TRAPPC12: variants seen among roughly 807,000 people sequenced by gnomAD.
TRAPPC12 encodes trafficking protein particle complex subunit 12, also known as TPR repeat protein 15.
Under a neutral mutation model 69.2 loss-of-function variants are expected in TRAPPC12, and 61 were observed. That is an observed-to-expected ratio of 0.88 (90% CI 0.72 to 1.09). The LOEUF (loss-of-function observed/expected upper bound fraction) is 1.09, where lower values mean the gene tolerates loss of function less well. Among genes scored for constraint, TRAPPC12 ranks in the 50% least tolerant of loss-of-function variants. TRAPPC12 has a pLI of 0.00. For missense variants in TRAPPC12, 1,101 were observed against 1,016.4 expected (o/e 1.08, Z -1.13); for synonymous variants, 469 against 438.9 (o/e 1.07, Z -0.86).
At position 3,379,750 on chromosome 2, in the gene TRAPPC12, C is replaced by G. The variant is rs1021359170; in HGVS notation, c.-131C>G. On this transcript the variant is annotated 5_prime_UTR_variant, in exon 1 of 12. Coordinates refer to ENST00000324266, the MANE Select transcript of TRAPPC12 (RefSeq NM_016030.6). ...ACTAGGCGCGCCGCGGCCCGGCACG[C>G]GCAGGCGTACAGAGCTCCCCGGGGG... 6 of 151,864 alleles carry G rather than the reference C, an allele frequency of 4.0e-5. No individual in the cohort carries two copies. The highest frequency in any genetic ancestry group is 1.5e-4 in the African/African-American group (6 of 41,306). 9.4% of individuals were successfully genotyped at this position (151,864 alleles called of 1,614,324 possible). A position where few individuals can be genotyped will look rare whatever the true frequency, so the allele number is the denominator to read the frequency against.
chr2:3,390,950 G>C (rs1269903527), intron 2 of TRAPPC12, among the ~76,000 whole-genome samples: 2 of 152,082 alleles, frequency 1.3e-5, no homozygotes, highest in Non-Finnish European at 2.9e-5. Flanking sequence ...TAAATAAATT[G>C]TAAAATCTAT....
intron 5 of TRAPPC12, among the ~76,000 whole-genome samples, chr2:3,431,273 CA>C: frequency 6.6e-6 from 1 of 152,208 alleles, no homozygotes; most frequent in East Asian, 1.9e-4. Context: ...GCCCTGTAGA[CA>C]GACAGTCTCT....
intron 2 of TRAPPC12, among the ~76,000 whole-genome samples, chr2:3,398,277 C>T (rs916059419): frequency 3.9e-5 from 6 of 152,240 alleles, no homozygotes; most frequent in East Asian, 1.9e-4. Context: ...TTTGAGGCCC[C>T]GCCAGACAGT....
Position 3,401,825 on chromosome 2 carries a change from GC to G in TRAPPC12, c.1097del (p.Ala366GlufsTer7). On this transcript the variant is annotated frameshift_variant, in exon 3 of 12. Coordinates refer to ENST00000324266, the MANE Select transcript of TRAPPC12 (RefSeq NM_016030.6). LOFTEE classifies it high-confidence loss of function. ...GCTTCGCTTTCTGGGTGAAAAAGCT[GC>G]AGCAAAGAGACAAGTCCTAAATGCC... ...LMLRFLGEKAAAKRQVLNADS... is the reference protein window; with the variant it reads ...LMLRFLGEKAXAKRQVLNADS... 6.2e-7 allele frequency: 1 copy of G among 1,601,776 alleles called. No homozygotes were observed. Among genetic ancestry groups the G allele is most frequent in the Non-Finnish European group, 8.5e-7 (1 of 1,175,582 alleles).
chr2:3,457,096 C>A (rs1037130092), intron 6 of TRAPPC12: 16 of 464,394 alleles, frequency 3.4e-5, no homozygotes, highest in African/African-American at 3.2e-4. Flanking sequence ...GGTGCACATA[C>A]ACTGTGGAAT....
chr2:3,408,194 C>T (rs1661835771), intron 3 of TRAPPC12, among the ~76,000 whole-genome samples: 1 of 152,182 alleles, frequency 6.6e-6, no homozygotes, highest in Non-Finnish European at 1.5e-5. Flanking sequence ...TACCGTGCCT[C>T]CAGTTGGAGG....
At chr2:3,449,717 G>A (rs1664749850) in intron 6 of TRAPPC12, among the ~76,000 whole-genome samples, 1 of 152,020 alleles carries the variant, frequency 6.6e-6, no homozygotes, top group South Asian at 2.1e-4. Context: ...ACACTGTCAG[G>A]GCCAGGACTC....
chr2:3,410,626 A>C (rs1662005386), intron 3 of TRAPPC12, among the ~76,000 whole-genome samples: 1 of 152,222 alleles, frequency 6.6e-6, no homozygotes, highest in Non-Finnish European at 1.5e-5. Flanking sequence ...CTTTACTGTA[A>C]AATATGTCTT....
chr2:3,477,285 G>GCC (rs1666334837), intron 9 of TRAPPC12, among the ~76,000 whole-genome samples: 1 of 152,320 alleles, frequency 6.6e-6, no homozygotes, highest in African/African-American at 2.4e-5. Context: ...AAATGTGGTG[G>GCC]CACCTACCAT....
At chr2:3,385,918 C>T (rs1660468908) in intron 1 of TRAPPC12, among the ~76,000 whole-genome samples, 2 of 152,192 alleles carry the variant, frequency 1.3e-5, no homozygotes, top group South Asian at 4.1e-4. Flanking sequence ...GGGGCTCCCC[C>T]TTTGGGGTTC....
intron 6 of TRAPPC12, chr2:3,457,119 T>TA (rs1488357961): frequency 2.8e-5 from 13 of 464,396 alleles, no homozygotes; most frequent in East Asian, 1.4e-4. Flanking sequence ...TACGCAGCCG[T>TA]AAAAAAAGAA....
intron 9 of TRAPPC12, among the ~76,000 whole-genome samples, chr2:3,473,893 G>A (rs1451299905): frequency 6.6e-6 from 1 of 152,206 alleles, no homozygotes; most frequent in Non-Finnish European, 1.5e-5. Context: ...AGCAACCTAT[G>A]TGGCTGTTAA....
intron 5 of TRAPPC12, among the ~76,000 whole-genome samples, chr2:3,430,772 A>G (rs1663384847): frequency 6.6e-6 from 1 of 152,262 alleles, no homozygotes; most frequent in Non-Finnish European, 1.5e-5. Flanking sequence ...AATCATGCCT[A>G]TGTCATTGCC....
chr2:3,449,567 G>T (rs1375922072), intron 6 of TRAPPC12: 1 of 152,266 alleles, frequency 6.6e-6, no homozygotes, highest in African/African-American at 2.4e-5. Flanking sequence ...TGCTAATGTG[G>T]TAGTGAGAGC....
At chr2:3,422,672 G>C (rs369928694) in intron 4 of TRAPPC12, among the ~76,000 whole-genome samples, 1 of 152,090 alleles carries the variant, frequency 6.6e-6, no homozygotes, top group African/African-American at 2.4e-5. Context: ...TTTCCAGCAG[G>C]CTCCTTCTCC....
intron 6 of TRAPPC12, among the ~76,000 whole-genome samples, chr2:3,447,280 TAG>T (rs2103108850): frequency 6.6e-6 from 1 of 152,254 alleles, no homozygotes; most frequent in African/African-American, 2.4e-5. Flanking sequence ...CTATTTTTAG[TAG>T]AGACAGGGCT....
chr2:3,462,869 G>A (rs1344872969), intron 8 of TRAPPC12: 1 of 469,870 alleles, frequency 2.1e-6, no homozygotes, highest in Non-Finnish European at 4.4e-6. Flanking sequence ...TCGCCAGTAT[G>A]CACATCAGAA....
At chr2:3,409,392 A>G (rs1661912540) in intron 3 of TRAPPC12, among the ~76,000 whole-genome samples, 2 of 152,230 alleles carry the variant, frequency 1.3e-5, no homozygotes, top group African/African-American at 2.4e-5. Context: ...TAAATTGTAA[A>G]TGGTAAATAA....
chr2:3,409,241 G>A (rs1301614122), intron 3 of TRAPPC12, among the ~76,000 whole-genome samples: 1 of 152,244 alleles, frequency 6.6e-6, no homozygotes, highest in Non-Finnish European at 1.5e-5. Flanking sequence ...AGGAGAGACA[G>A]TTATGGTCTC....
Sources: gnomAD v4.1 joint callset for allele counts (sites outside exome capture counted in the v4.1 genomes callset) on GRCh38, gnomAD v4.1.1 for gene constraint, MANE v1.5 for transcripts, NCBI Gene and HGNC (gene_info 2026-07-23, HGNC 2026-07-21) for gene names.